Variants in COL4A3 observed in about 807,000 individuals in gnomAD.
COL4A3 encodes the protein collagen alpha-3(IV) chain.
In COL4A3, 135 loss-of-function variants were observed where a neutral mutation model predicts 217.4. The ratio of observed to expected loss-of-function variants is 0.62; its 90% confidence interval spans 0.54 to 0.72. COL4A3 has a LOEUF of 0.72. Ranked by LOEUF, COL4A3 falls within the 30% of genes least tolerant of loss-of-function variation. The pLI is 0.00. For synonymous variants in COL4A3, 690 were observed against 736.3 expected, an observed-to-expected ratio of 0.94 and a Z score of 1.02; for missense variants, 1,868 against 2,119.9, an observed-to-expected ratio of 0.88 and a Z score of 2.33.
rs756539994 is a variant in COL4A3 at position 227,293,286 on chromosome 2, CCCTGGAAGT to C, written c.3321_3329del (p.Ser1108_Gly1110del). ...TGGGGCCTGCTGGACCTGAGGGAGC[CCCTGGAAGT>C]CCTGGAAGTCCTGGCCTCCCAGGTA... is the stretch of plus-strand genomic sequence containing the variant. On this transcript the variant is annotated inframe_deletion, in exon 38 of 52. Transcript: ENST00000396578. 2.7e-5 allele frequency: 44 copies of C among 1,613,564 alleles called. No homozygotes were observed. Among genetic ancestry groups the C allele is most frequent in the East Asian group, 2.2e-4 (10 of 44,892 alleles).
chr2:227,289,215 C>A lies in COL4A3; in HGVS notation c.2947C>A (p.Leu983Ile). 1 of 1,613,762 alleles carries A rather than the reference C, an allele frequency of 6.2e-7. No homozygotes were observed. Among genetic ancestry groups the A allele is most frequent in the African/African-American group, 1.3e-5 (1 of 74,990 alleles). Reference protein sequence around the residue: ...GVPGMPGLKGLKGLPGPAGPP... With the variant: ...GVPGMPGLKGIKGLPGPAGPP... ...TCCAGGGATGCCAGGTTTAAAGGGC[C>A]TCAAAGGACTACCCGGACCAGCAGG... The change falls in exon 35 of 52, where the codon CTC (leucine) becomes ATC (isoleucine). Residue 983 changes from leucine (L) to isoleucine (I), a missense_variant. Leu to Ile is a conservative substitution (Grantham distance 5, BLOSUM62 2). This residue lies in a region of COL4A3 where 1,503 missense variants were observed against 1,786.1 expected (regional missense o/e 0.84). Transcript: ENST00000396578.
chr2:227,257,590 T>C lies in COL4A3; in HGVS notation c.988-13T>C. Reference sequence around the variant, plus strand: ...TGACCATATTCACAATTTGTAAATGTCTTTCACTGTAGGGACAGAAAGGGG... The same window carrying C: ...TGACCATATTCACAATTTGTAAATGCCTTTCACTGTAGGGACAGAAAGGGG... On this transcript the variant is annotated splice_polypyrimidine_tract_variant and intron_variant, in intron 17 of 51. Coordinates refer to ENST00000396578, the MANE Select transcript of COL4A3 (RefSeq NM_000091.5). 6.2e-7 allele frequency: 1 copy of C among 1,613,112 alleles called. No homozygotes were observed.
rs2069352214 is a variant in COL4A3, at chr2:227,246,562, AG to A, written c.388-121del. ...TCAGCCTCATGACCCAGTAGCCATA[AG>A]GAATTCGGGTTACTTTGTCTAGATT... is the stretch of plus-strand genomic sequence containing the variant. On this transcript the variant is annotated intron_variant, in intron 6 of 51. Transcript: ENST00000396578. 7.8e-6 allele frequency: 6 copies of A among 770,330 alleles called. No homozygotes were observed. The East Asian group carries it at 1.6e-4, about 21-fold the overall frequency. The allele number at this position is 770,330 out of a possible 1,614,324, so 47.7% of individuals were successfully genotyped here. A position where few individuals can be genotyped will look rare whatever the true frequency, so the allele number is the denominator to read the frequency against.
intron 26 of COL4A3, 71 bp from the exon 27 acceptor site, chr2:227,276,314 C>G: frequency 9.0e-7 from 1 of 1,116,250 alleles, no homozygotes; most frequent in South Asian, 1.2e-5. Flanking sequence ...CCTTTATAAT[C>G]GTATTTTCCG....
chr2:227,181,672 C>T (rs1243843399), intron 1 of COL4A3, among the ~76,000 whole-genome samples: 1 of 152,096 alleles, frequency 6.6e-6, no homozygotes, highest in Non-Finnish European at 1.5e-5. Context: ...GCTTTTTTGA[C>T]ATTATATTGT....
chr2:227,225,601 G>A (rs145366912), intron 1 of COL4A3, among the ~76,000 whole-genome samples: 1 of 152,084 alleles, frequency 6.6e-6, no homozygotes, highest in East Asian at 1.9e-4. Context: ...GTTGCACCAG[G>A]CCAAAGCAAG....
At chr2:227,175,447 G>A (rs2065642446) in intron 1 of COL4A3, among the ~76,000 whole-genome samples, 1 of 152,060 alleles carries the variant, frequency 6.6e-6, no homozygotes, top group Admixed American at 6.6e-5. Context: ...TTCTAGCCTA[G>A]GTGACAGAGC....
Position 227,254,653 on chromosome 2 carries a change from C to T in COL4A3, c.829-3C>T. ...AAATTTGACATGGCTCTAATTAATA[C>T]AGGGACTGCCTGGAGAATCATATGG... On this transcript the variant is annotated splice_region_variant and splice_polypyrimidine_tract_variant and intron_variant, in intron 14 of 51. Transcript: ENST00000396578. The T allele has an allele frequency of 6.2e-7, 1 of 1,608,300 alleles. No homozygotes were observed. Among genetic ancestry groups the T allele is most frequent in the Admixed American group, 1.7e-5 (1 of 60,010 alleles).
rs202078295 is a variant in COL4A3, at chr2:227,290,858, G to C, written c.3182G>C (p.Gly1061Ala). 6.2e-7 allele frequency: 1 copy of C among 1,613,174 alleles called. No individual in the cohort carries two copies. The highest frequency in any genetic ancestry group is 1.1e-5 in the South Asian group (1 of 90,876). The change falls in exon 37 of 52, where the codon GGT (glycine) becomes GCT (alanine). Residue 1061 changes from glycine (G) to alanine (A), a missense_variant. Physicochemically the swap from Gly to Ala is moderately conservative, Grantham distance 60. This residue lies in a region of COL4A3 where 1,503 missense variants were observed against 1,786.1 expected (regional missense o/e 0.84). Coordinates refer to ENST00000396578, the MANE Select transcript of COL4A3 (RefSeq NM_000091.5). Reference protein sequence around the residue: ...GDKGEPGYSEGTRPGPPGPTG... With the variant: ...GDKGEPGYSEATRPGPPGPTG... ...AAGGGAGAGCCAGGTTATTCAGAAG[G>C]TACAAGGCCAGGACCACCGGGACCA...
At chr2:227,179,132 T>C (rs2065788683) in intron 1 of COL4A3, among the ~76,000 whole-genome samples, 1 of 151,658 alleles carries the variant, frequency 6.6e-6, no homozygotes, top group African/African-American at 2.4e-5. Flanking sequence ...TTGTATTTTT[T>C]GTAGACTGGG....
chr2:227,185,824 G>A (rs1178093101), intron 1 of COL4A3, among the ~76,000 whole-genome samples: 1 of 152,200 alleles, frequency 6.6e-6, no homozygotes, highest in African/African-American at 2.4e-5. Flanking sequence ...ATAAGTCTAT[G>A]GTGTGGCCTG....
intron 9 of COL4A3, among the ~76,000 whole-genome samples, chr2:227,249,224 A>ATTTTTTTTTTTT (rs1320775871): frequency 4.1e-5 from 1 of 24,182 alleles, no homozygotes; most frequent in Non-Finnish European, 9.4e-5. Flanking sequence ...ATATATATAT[A>ATTTTTTTTTTTT]TATATATTTT....
chr2:227,232,041 A>G lies in COL4A3; in HGVS notation c.88-5927A>G, dbSNP rs140175774. ...TTGATTTGATTTTTAGATCCCACAC[A>G]TAAGTGAGAATATACAATGTTTGTC... On this transcript the variant is annotated intron_variant, in intron 1 of 51. Transcript: ENST00000396578. Among the ~76,000 whole-genome samples the G allele has an allele frequency of 6.8e-4, 104 of 152,234 alleles. 1 individual carries two copies. In the South Asian group the frequency reaches 0.011, roughly 17 times the overall value.
intron 1 of COL4A3, among the ~76,000 whole-genome samples, chr2:227,165,303 T>C (rs919798982): frequency 6.6e-6 from 1 of 152,226 alleles, no homozygotes; most frequent in Non-Finnish European, 1.5e-5. Context: ...TGGGGCTCAG[T>C]TTCTTCCTTG....
intron 1 of COL4A3, among the ~76,000 whole-genome samples, chr2:227,193,568 C>G (rs2066324630): frequency 6.6e-6 from 1 of 152,040 alleles, no homozygotes; most frequent in Admixed American, 6.6e-5. Context: ...AAAAATTAGC[C>G]AGGCGTGGTT....
intron 36 of COL4A3, 32 bp downstream of exon 36, chr2:227,290,120 A>G (rs763503952): frequency 1.3e-6 from 2 of 1,570,978 alleles, no homozygotes; most frequent in East Asian, 2.2e-5. Flanking sequence ...TGAGCCCACA[A>G]GCTCATGATG....
chr2:227,303,225 T>C lies in COL4A3; in HGVS notation c.3955+115T>C, dbSNP rs1192626832. 130 of 819,456 alleles carry C rather than the reference T, an allele frequency of 1.6e-4. 1 individual carries two copies. Among genetic ancestry groups the C allele is most frequent in the Non-Finnish European group, 2.7e-5 (13 of 473,868 alleles). 50.8% of individuals were successfully genotyped at this position (819,456 alleles called of 1,614,324 possible). A position where few individuals can be genotyped will look rare whatever the true frequency, so the allele number is the denominator to read the frequency against. ...AGCTGGGGTTAGTACAAATAGGACCTCAATACGAGTGAAGTAGGAAGGCTC... is the reference window on the plus strand; with the variant it reads ...AGCTGGGGTTAGTACAAATAGGACCCCAATACGAGTGAAGTAGGAAGGCTC... On this transcript the variant is annotated intron_variant, in intron 44 of 51. Transcript: ENST00000396578.
chr2:227,270,642 G>A, intron 24 of COL4A3, 128 bp from the exon 25 acceptor site: 1 of 868,404 alleles, frequency 1.2e-6, no homozygotes, highest in Non-Finnish European at 1.8e-6. Context: ...AATAATAGTT[G>A]TGGACCAAAG....
At chr2:227,296,299 G>A (rs964984337) in intron 41 of COL4A3, 1 of 153,902 alleles carries the variant, frequency 6.5e-6, no homozygotes, top group Non-Finnish European at 1.4e-5. Context: ...TTAGAATTTT[G>A]GTCAAAAGGA....
Sources: gnomAD v4.1 joint callset for allele counts (sites outside exome capture counted in the v4.1 genomes callset) on GRCh38, gnomAD v4.1.1 for gene constraint, gnomAD v4.1.1 regional missense constraint, MANE v1.5 for transcripts, NCBI Gene and HGNC (gene_info 2026-07-23, HGNC 2026-07-21) for gene names.